Variants in WWOX observed in about 807,000 individuals in gnomAD.
The protein encoded by WWOX is WW domain-containing oxidoreductase.
Under a neutral mutation model 46.2 loss-of-function variants are expected in WWOX, and 69 were observed. That is an observed-to-expected ratio of 1.49 (90% CI 1.23 to 1.82). The LOEUF (loss-of-function observed/expected upper bound fraction) is 1.82. Ranked by LOEUF, WWOX falls within the 40% of genes most tolerant of loss-of-function variation. The pLI is 0.00. For missense variants in WWOX, 919 were observed against 542.6 expected, an observed-to-expected ratio of 1.69 and a Z score of -6.89; for synonymous variants, 359 against 202.6, an observed-to-expected ratio of 1.77 and a Z score of -6.56.
chr16:78,722,618 G>C (rs1483530435), intron 8 of WWOX, among the ~76,000 whole-genome samples: 1 of 151,708 alleles, frequency 6.6e-6, no homozygotes, highest in Non-Finnish European at 1.5e-5. Flanking sequence ...TTATCCCCTG[G>C]TAGGTATAAT....
At chr16:79,208,169 C>G (rs1597481026) in intron 8 of WWOX, among the ~76,000 whole-genome samples, 2 of 152,176 alleles carry the variant, frequency 1.3e-5, no homozygotes, top group South Asian at 4.1e-4. Flanking sequence ...ATTGATTGCA[C>G]AGTTCTCCTC....
chr16:79,086,686 G>A (rs2048859868), intron 8 of WWOX, among the ~76,000 whole-genome samples: 2 of 152,120 alleles, frequency 1.3e-5, no homozygotes, highest in Admixed American at 6.5e-5. Flanking sequence ...TTTGAGACCT[G>A]CTTGGGCAAC....
intron 8 of WWOX, among the ~76,000 whole-genome samples, chr16:78,621,592 CTTTTTTTTTTTTTTTT>C (rs34182797): frequency 6.0e-4 from 19 of 31,540 alleles, no homozygotes; most frequent in East Asian, 2.0e-3. Flanking sequence ...TTGTTCTAAT[CTTTTTTTTTTTTTTTT>C]TTTTTTTTTT....
At position 78,812,957 on chromosome 16, in the gene WWOX, A is replaced by G. The variant is rs547060022; in HGVS notation, c.1056+380205A>G. ...GTCTTAAAATGGAAAAATAAAATCA[A>G]ATATAAGAATTTTGTTATGAATCTT... is the stretch of plus-strand genomic sequence containing the variant. On this transcript the variant is annotated intron_variant, in intron 8 of 8. Transcript: ENST00000566780. Among the ~76,000 whole-genome samples, 25 of 152,350 alleles carry G rather than the reference A, an allele frequency of 1.6e-4. No individual in the cohort carries two copies. The South Asian group carries it at 5.0e-3, about 30-fold the overall frequency.
At chr16:79,036,710 T>C (rs1863030987) in intron 8 of WWOX, among the ~76,000 whole-genome samples, 2 of 152,196 alleles carry the variant, frequency 1.3e-5, no homozygotes. Context: ...GTGCTGGGAT[T>C]GATTAGTGAT....
intron 6 of WWOX, among the ~76,000 whole-genome samples, chr16:78,400,908 C>T (rs1196891603): frequency 1.3e-5 from 2 of 152,234 alleles, no homozygotes; most frequent in African/African-American, 4.8e-5. Context: ...ACTATGGCCT[C>T]AGCCACCAGG....
intron 8 of WWOX, among the ~76,000 whole-genome samples, chr16:78,918,650 T>G (rs573957675): frequency 9.8e-5 from 15 of 152,320 alleles, no homozygotes; most frequent in Admixed American, 3.9e-4. Context: ...TAATAACAGT[T>G]AATGTTGAAA....
At chr16:78,447,609 A>C (rs1201136727) in intron 8 of WWOX, among the ~76,000 whole-genome samples, 1 of 152,226 alleles carries the variant, frequency 6.6e-6, no homozygotes, top group South Asian at 2.1e-4. Flanking sequence ...AGGTAATGAC[A>C]ACAAAAATTA....
chr16:79,119,151 C>A (rs1488870190), intron 8 of WWOX, among the ~76,000 whole-genome samples: 2 of 151,538 alleles, frequency 1.3e-5, no homozygotes, highest in East Asian at 3.9e-4. Context: ...AGAAGCAGCA[C>A]TGAAGTCCAG....
rs1370851633 is a variant in WWOX at position 79,211,778 on chromosome 16, T to C, written c.1227T>C (p.Leu409=). ...ALSERLIQER[L]GSQSG Reference sequence around the variant, plus strand: ...GCGAGAGGCTGATCCAAGAACGGCTTGGCAGCCAGTCCGGCTAAGTGGAGC... The same window carrying C: ...GCGAGAGGCTGATCCAAGAACGGCTCGGCAGCCAGTCCGGCTAAGTGGAGC... Residue 409 remains leucine (L), a synonymous_variant, in exon 9 of 9, where the codon CTT becomes CTC. Coordinates refer to ENST00000566780, the MANE Select transcript of WWOX (RefSeq NM_016373.4). 1.2e-6 allele frequency: 2 copies of C among 1,613,944 alleles called. No homozygotes were observed. The highest frequency in any genetic ancestry group is 1.7e-6 in the Non-Finnish European group (2 of 1,179,950).
intron 8 of WWOX, among the ~76,000 whole-genome samples, chr16:78,973,421 A>G (rs933918312): frequency 1.3e-5 from 2 of 152,222 alleles, no homozygotes; most frequent in Admixed American, 6.5e-5. Context: ...GAACAGAGCT[A>G]CTCAATAATT....
At chr16:78,941,049 C>T (rs546565349) in intron 8 of WWOX, among the ~76,000 whole-genome samples, 61 of 152,168 alleles carry the variant, frequency 4.0e-4, no homozygotes, top group Non-Finnish European at 3.8e-4. Context: ...GACTCACAGC[C>T]ATGAATTTCA....
chr16:78,424,721 A>T (rs1188860458), intron 6 of WWOX, 149 bp from the exon 7 acceptor site: 6 of 932,414 alleles, frequency 6.4e-6, no homozygotes, highest in Admixed American at 3.4e-5. Flanking sequence ...AATCTAGAAG[A>T]CGGAGAAAGA....
intron 5 of WWOX, among the ~76,000 whole-genome samples, chr16:78,322,550 C>G (rs909324550): frequency 1.3e-5 from 2 of 152,106 alleles, no homozygotes; most frequent in Non-Finnish European, 2.9e-5. Flanking sequence ...AGTAACTTGC[C>G]CCTAGCATCG....
At chr16:78,660,085 C>T (rs1269505536) in intron 8 of WWOX, among the ~76,000 whole-genome samples, 1 of 152,206 alleles carries the variant, frequency 6.6e-6, no homozygotes, top group Non-Finnish European at 1.5e-5. Context: ...CTTCTCTGTG[C>T]AAGTGTGTGC....
At chr16:78,644,781 C>G (rs1238880522) in intron 8 of WWOX, among the ~76,000 whole-genome samples, 1 of 152,102 alleles carries the variant, frequency 6.6e-6, no homozygotes, top group African/African-American at 2.4e-5. Context: ...GCACTTTTAT[C>G]CAACAAATAT....
At chr16:78,456,149 C>T (rs2083811877) in intron 8 of WWOX, among the ~76,000 whole-genome samples, 1 of 152,202 alleles carries the variant, frequency 6.6e-6, no homozygotes, top group Non-Finnish European at 1.5e-5. Flanking sequence ...AAATCCCTGC[C>T]ACCCACAGCC....
chr16:78,862,853 A>G (rs1295097720), intron 8 of WWOX, among the ~76,000 whole-genome samples: 1 of 152,188 alleles, frequency 6.6e-6, no homozygotes, highest in East Asian at 1.9e-4. Flanking sequence ...GTCCTCCAGA[A>G]ACGCCTTCAT....
chr16:78,845,131 G>T (rs2052264638), intron 8 of WWOX, among the ~76,000 whole-genome samples: 1 of 134,452 alleles, frequency 7.4e-6, no homozygotes, highest in Admixed American at 7.7e-5. Context: ...TTATCTTGCT[G>T]TCTTTTTTTT....
Sources: allele counts gnomAD v4.1 joint callset (sites outside exome capture counted in the v4.1 genomes callset), GRCh38; gene constraint gnomAD v4.1.1; transcripts MANE v1.5; gene names NCBI Gene and HGNC (gene_info 2026-07-23, HGNC 2026-07-21).